ANKMY1: variants seen among roughly 807,000 people sequenced by gnomAD.
ANKMY1 encodes ankyrin repeat and MYND domain-containing protein 1.
Under a neutral mutation model 102.0 loss-of-function variants are expected in ANKMY1, and 98 were observed. The observed-to-expected ratio is 0.96, with a 90% CI of 0.82 to 1.14. The LOEUF is 1.14. Ranked by LOEUF, ANKMY1 falls within the 50% of genes most tolerant of loss-of-function variation. The pLI is 0.00. For missense variants in ANKMY1, 1,330 were observed against 1,347.6 expected (o/e 0.99, Z 0.20); for synonymous variants, 582 against 559.9 (o/e 1.04, Z -0.56).
intron 15 of ANKMY1, among the ~76,000 whole-genome samples, chr2:240,482,954 A>T (rs1231530712): frequency 3.3e-5 from 5 of 152,074 alleles, no homozygotes; most frequent in African/African-American, 1.2e-4. Context: ...TGCTTCATGT[A>T]TTTGGGTGTC....
At chr2:240,539,181 C>T (rs531550743) in intron 4 of ANKMY1, among the ~76,000 whole-genome samples, 1 of 152,346 alleles carries the variant, frequency 6.6e-6, no homozygotes, top group African/African-American at 2.4e-5. Context: ...TTCTGCTGCT[C>T]ACTCTTTGGG....
chr2:240,512,969 G>A, intron 9 of ANKMY1, 27 bp from the exon 10 acceptor site: 1 of 1,604,146 alleles, frequency 6.2e-7, no homozygotes, highest in Non-Finnish European at 8.5e-7. Context: ...GGGGCGGGCA[G>A]TGAGGCACAT....
intron 13 of ANKMY1, among the ~76,000 whole-genome samples, chr2:240,502,102 T>TG (rs2078288019): frequency 6.6e-6 from 1 of 152,120 alleles, no homozygotes; most frequent in African/African-American, 2.4e-5. Flanking sequence ...GGTGTGGTGA[T>TG]GGACAGGTGG....
chr2:240,515,812 G>C (rs2081089562), intron 9 of ANKMY1, among the ~76,000 whole-genome samples: 8 of 151,824 alleles, frequency 5.3e-5, no homozygotes, highest in Admixed American at 5.3e-4. Flanking sequence ...CCTCCTCCCA[G>C]GTTCACACCA....
intron 4 of ANKMY1, among the ~76,000 whole-genome samples, chr2:240,531,641 C>A (rs1008748452): frequency 1.3e-5 from 2 of 151,988 alleles, no homozygotes; most frequent in Non-Finnish European, 2.9e-5. Flanking sequence ...AAATACTACA[C>A]CCGGTAAAAT....
At chr2:240,525,480 T>C (rs1453626359) in intron 7 of ANKMY1, among the ~76,000 whole-genome samples, 2 of 152,084 alleles carry the variant, frequency 1.3e-5, no homozygotes, top group African/African-American at 4.8e-5. Flanking sequence ...ATGCAGGAGA[T>C]GAGTAAAGAA....
chr2:240,469,602 A>G, the ANKMY1 span, among the ~76,000 whole-genome samples: 4 of 152,208 alleles, frequency 2.6e-5, no homozygotes, highest in Non-Finnish European at 5.9e-5. Flanking sequence ...GCAGGCCAGC[A>G]TGGGTGTCTG....
At chr2:240,541,300 T>C (rs1472165518) in intron 4 of ANKMY1, among the ~76,000 whole-genome samples, 3 of 152,274 alleles carry the variant, frequency 2.0e-5, no homozygotes, top group Admixed American at 6.5e-5. Flanking sequence ...ACTGTTTCAG[T>C]TGGGACACTC....
At chr2:240,475,264 A>C (rs1181338155), downstream of ANKMY1, among the ~76,000 whole-genome samples, 1 of 152,166 alleles carries the variant, frequency 6.6e-6, no homozygotes, top group Non-Finnish European at 1.5e-5. Flanking sequence ...CAAAATTCTA[A>C]AAGTTCCACC....
At position 240,529,131 on chromosome 2, in the gene ANKMY1, C is replaced by T. The variant is rs145888118; in HGVS notation, c.859G>A (p.Glu287Lys). ...CCATCCTCAACGAACGGAGGAATTT[C>T]ATTGAGGAAGATGCGGGCGTCCAGC... ...KELDARIFLN[E>K]IPPFVEDGEP... is the part of the protein sequence containing the mutation. Residue 287 changes from glutamate to lysine, a missense_variant, in exon 5 of 18, where the codon GAA (glutamate) becomes AAA (lysine). Glu to Lys is a moderately conservative substitution (Grantham distance 56, BLOSUM62 1). Coordinates refer to ENST00000401804, the MANE Select transcript of ANKMY1 (RefSeq NM_001282771.3). The surrounding 1 kb of genome is among the most constrained non-coding windows in gnomAD (Gnocchi z 4.2). 1.9e-6 allele frequency: 3 copies of T among 1,614,066 alleles called. No individual in the cohort carries two copies. Among genetic ancestry groups the T allele is most frequent in the Non-Finnish European group, 2.5e-6 (3 of 1,180,032 alleles).
At chr2:240,475,594 A>C (rs2074801519), downstream of ANKMY1, among the ~76,000 whole-genome samples, 1 of 151,900 alleles carries the variant, frequency 6.6e-6, no homozygotes, top group South Asian at 2.1e-4. Context: ...ATTTATTGCT[A>C]ATTATTTTAT....
Position 240,500,526 on chromosome 2 carries a change from G to C in ANKMY1, c.2566C>G (p.Pro856Ala), listed in dbSNP as rs2077997917. 6.2e-7 allele frequency: 1 copy of C among 1,614,036 alleles called. No homozygotes were observed. Among genetic ancestry groups the C allele is most frequent in the African/African-American group, 1.3e-5 (1 of 74,936 alleles). ...TTTTCTCCCTGCCTGAGCATTACAG[G>C]CTTCAGGATGTCGGCCCCGTGACTG... ...LISHGADILKPVMLRQGEKEA... is the reference protein window; with the variant it reads ...LISHGADILKAVMLRQGEKEA... Residue 856 changes from proline (P) to alanine (A), a missense_variant, in exon 14 of 18, where the codon CCT becomes GCT. Transcript: ENST00000401804.
intron 4 of ANKMY1, among the ~76,000 whole-genome samples, chr2:240,542,873 T>A (rs2089329355): frequency 1.3e-5 from 2 of 150,498 alleles, no homozygotes; most frequent in South Asian, 4.2e-4. Flanking sequence ...TGAAATTAAG[T>A]AAATTATTTA....
chr2:240,509,769 G>T (rs1458845522), intron 11 of ANKMY1, among the ~76,000 whole-genome samples: 3 of 152,136 alleles, frequency 2.0e-5, no homozygotes. Flanking sequence ...GGACAGTCCA[G>T]ACCACATGAC....
At position 240,500,092 on chromosome 2, in the gene ANKMY1, G is replaced by A. The variant is rs761003937; in HGVS notation, c.2672C>T (p.Thr891Met). The change falls in exon 15 of 18, where the codon ACG becomes ATG. Residue 891 changes from threonine to methionine, a missense_variant. Thr to Met is a moderately conservative substitution (Grantham distance 81). Transcript: ENST00000401804. ...DRRIARCPFH[T>M]LMPAERETFL... ...CGTCTCGCGCTCTGCTGGCATCAGC[G>A]TGTGGAAGGGGCAGCGGGCAATCCT... The A allele has an allele frequency of 1.1e-5, 17 of 1,609,460 alleles. No homozygotes were observed. The highest frequency in any genetic ancestry group is 4.0e-5 in the African/African-American group (3 of 74,836).
chr2:240,483,420 G>T (rs1429276767), intron 15 of ANKMY1, among the ~76,000 whole-genome samples: 2 of 152,150 alleles, frequency 1.3e-5, no homozygotes, highest in African/African-American at 4.8e-5. Flanking sequence ...GCCTCCCAAA[G>T]TTCTGGGATT....
At chr2:240,507,958 T>C in intron 12 of ANKMY1, 1 of 362,116 alleles carries the variant, frequency 2.8e-6, no homozygotes, top group Non-Finnish European at 5.0e-6. Flanking sequence ...GTTCCAGCAC[T>C]TTCTCTGTCC....
At position 240,509,408 on chromosome 2, in the gene ANKMY1, A is replaced by G. The variant is rs764149270; in HGVS notation, c.2334T>C (p.Pro778=). The change falls in exon 12 of 18, where the codon CCT becomes CCC. Residue 778 remains proline (P), a synonymous_variant. Transcript: ENST00000401804. ...VRLLLSHGAN[P]NLLWSGHSPL... ...GGGAGTGGCCACTCCACAGCAGGTT[A>G]GGATTTGCTCCGTGGGATAGAAGGA... 6.2e-7 allele frequency: 1 copy of G among 1,613,696 alleles called. No homozygotes were observed. Among genetic ancestry groups the G allele is most frequent in the African/African-American group, 1.3e-5 (1 of 74,886 alleles).
Position 240,553,018 on chromosome 2 carries a change from G to A in ANKMY1, c.376C>T (p.Leu126=). The change falls in exon 4 of 18, where the codon CTG becomes TTG. Residue 126 remains leucine (L), a synonymous_variant. Transcript: ENST00000401804. ...CCATCTGGCCACATGTAGGTACCCA[G>A]GCCATGGCAGTGGTCCCGGTAAAAC... ...GQFYRDHCHG[L]GTYMWPDGSS... 1 of 1,614,046 alleles carries A rather than the reference G, an allele frequency of 6.2e-7. No individual in the cohort carries two copies. The highest frequency in any genetic ancestry group is 8.5e-7 in the Non-Finnish European group (1 of 1,180,014).
Sources: allele counts gnomAD v4.1 joint callset (sites outside exome capture counted in the v4.1 genomes callset), GRCh38; gene constraint gnomAD v4.1.1; non-coding constraint Gnocchi (gnomAD v3.1); transcripts MANE v1.5; gene names NCBI Gene and HGNC (gene_info 2026-07-23, HGNC 2026-07-21).